The following SEMA3A variants were observed in gnomAD, a reference collection of about 807,000 sequenced individuals.
The protein encoded by SEMA3A is semaphorin 3A, also known as semaphorin-3A.
A neutral mutation model predicts 97.9 loss-of-function variants in SEMA3A; 29 were observed. That is an observed-to-expected ratio of 0.30 (90% CI 0.22 to 0.40). The LOEUF (loss-of-function observed/expected upper bound fraction) is 0.40, where lower values mean the gene tolerates loss of function less well. SEMA3A is among the 10% of genes least tolerant of loss of function. The probability of loss-of-function intolerance (pLI) is 1.00; values close to 1 mark genes in which losing one functional copy is unlikely to be tolerated. For synonymous variants in SEMA3A, 321 were observed against 323.7 expected (o/e 0.99, Z 0.09); for missense variants, 763 against 951.3 (o/e 0.80, Z 2.60).
intron 1 of SEMA3A, among the ~76,000 whole-genome samples, chr7:84,430,819 G>GTGTA (rs1554385627): frequency 0.16 from 23,603 of 148,316 alleles, 2,052 homozygotes; most frequent in Middle Eastern, 0.22. Flanking sequence ...GTGTGTGTGT[G>GTGTA]TGTATTTAGA....
Position 84,016,429 on chromosome 7 carries a change from T to C in SEMA3A, c.668-2078A>G, listed in dbSNP as rs191636305. 2.0e-3 allele frequency among the ~76,000 whole-genome samples: 308 copies of C among 151,902 alleles called. 4 individuals carry two copies. The East Asian group carries it at 0.044, about 22-fold the overall frequency. ...GGCGGGCTCCTGTAGTCCCAGCTACTTGGGAGGCTGAGGCAGGAGAATGGC... is the reference window on the plus strand; with the variant it reads ...GGCGGGCTCCTGTAGTCCCAGCTACCTGGGAGGCTGAGGCAGGAGAATGGC... On this transcript the variant is annotated intron_variant, in intron 6 of 16. Coordinates refer to ENST00000265362, the MANE Select transcript of SEMA3A (RefSeq NM_006080.3).
chr7:84,414,646 A>T (rs1170675688), intron 1 of SEMA3A, among the ~76,000 whole-genome samples: 3 of 152,084 alleles, frequency 2.0e-5, no homozygotes, highest in African/African-American at 7.2e-5. Flanking sequence ...AATCATGAAT[A>T]AACGTTCAAA....
intron 3 of SEMA3A, among the ~76,000 whole-genome samples, chr7:84,305,547 T>C (rs1801134025): frequency 6.6e-6 from 1 of 152,062 alleles, no homozygotes; most frequent in African/African-American, 2.4e-5. Context: ...TTAAGACTCA[T>C]CCATATGAGC....
chr7:84,296,591 A>C (rs1800878932), intron 3 of SEMA3A, among the ~76,000 whole-genome samples: 1 of 152,168 alleles, frequency 6.6e-6, no homozygotes, highest in Non-Finnish European at 1.5e-5. Flanking sequence ...ATGTTATTTA[A>C]ATTTATTATA....
chr7:84,101,109 A>G (rs944722311), intron 4 of SEMA3A, among the ~76,000 whole-genome samples: 17 of 152,086 alleles, frequency 1.1e-4, no homozygotes, highest in African/African-American at 3.6e-4. Flanking sequence ...TTTTCTTTAC[A>G]CTGCAATTGC....
intron 3 of SEMA3A, among the ~76,000 whole-genome samples, chr7:84,127,537 C>T (rs1252612807): frequency 1.3e-5 from 2 of 152,050 alleles, no homozygotes; most frequent in Admixed American, 6.6e-5. Context: ...ATCTTTAATA[C>T]GTGTCATGAA....
chr7:84,411,591 T>C (rs1022240674), intron 1 of SEMA3A, among the ~76,000 whole-genome samples: 50 of 150,486 alleles, frequency 3.3e-4, no homozygotes, highest in African/African-American at 1.1e-3. Flanking sequence ...ATTCATATTC[T>C]AGTATTATAG....
At chr7:84,005,232 A>G (rs1202565321) in intron 11 of SEMA3A, 107 bp downstream of exon 11, 6 of 775,768 alleles carry the variant, frequency 7.7e-6, no homozygotes, top group African/African-American at 5.2e-5. Context: ...TGGATTTTCA[A>G]CTGCACAGAG....
chr7:84,255,908 A>G (rs1799710950), intron 3 of SEMA3A, among the ~76,000 whole-genome samples: 1 of 148,208 alleles, frequency 6.7e-6, no homozygotes, highest in African/African-American at 2.6e-5. Flanking sequence ...TCCTGCGTCT[A>G]TCACTTTTTA....
intron 13 of SEMA3A, among the ~76,000 whole-genome samples, chr7:83,982,654 A>T (rs1789462973): frequency 6.6e-6 from 1 of 152,156 alleles, no homozygotes; most frequent in Admixed American, 6.6e-5. Flanking sequence ...TCTCTAGTAT[A>T]TAAATAAAAA....
chr7:84,487,366 G>C (rs935588807), intron 1 of SEMA3A, among the ~76,000 whole-genome samples: 1 of 151,994 alleles, frequency 6.6e-6, no homozygotes, highest in African/African-American at 2.4e-5. Flanking sequence ...AGTAAGCAGA[G>C]ACTTCTACTC....
chr7:84,238,938 A>T (rs945622590), intron 3 of SEMA3A, among the ~76,000 whole-genome samples: 3 of 152,154 alleles, frequency 2.0e-5, no homozygotes, highest in African/African-American at 7.2e-5. Context: ...ACTGGTCTCC[A>T]ACTCCTGACC....
intron 6 of SEMA3A, among the ~76,000 whole-genome samples, chr7:84,044,326 C>T (rs1792263181): frequency 6.6e-6 from 1 of 152,000 alleles, no homozygotes; most frequent in Non-Finnish European, 1.5e-5. Context: ...TGAGGCATCA[C>T]ATTTCTCACA....
chr7:84,391,953 C>G (rs934685325), intron 1 of SEMA3A, among the ~76,000 whole-genome samples: 6 of 99,586 alleles, frequency 6.0e-5, no homozygotes, highest in Non-Finnish European at 1.4e-4. Flanking sequence ...GAGTGAGACC[C>G]TGTCTCAAAA....
intron 3 of SEMA3A, among the ~76,000 whole-genome samples, chr7:84,285,525 T>C (rs931639070): frequency 2.6e-5 from 4 of 152,202 alleles, no homozygotes; most frequent in African/African-American, 9.6e-5. Context: ...AGGCTGGTGA[T>C]GCCAACAATT....
Position 84,368,724 on chromosome 7 carries a change from T to C in SEMA3A, c.-169+3100A>G, listed in dbSNP as rs181690227. ...GCATGTTAATTCTATATAAGTAATA[T>C]ATACAATTTATCTCACCTTGATTAT... On this transcript the variant is annotated intron_variant, in intron 2 of 3. Transcript: ENST00000424555. 2.9e-4 allele frequency among the ~76,000 whole-genome samples: 44 copies of C among 151,058 alleles called. No homozygotes were observed. The East Asian group carries it at 8.4e-3, about 29-fold the overall frequency.
At chr7:84,315,923 G>A (rs1431492495) in intron 2 of SEMA3A, among the ~76,000 whole-genome samples, 3 of 151,216 alleles carry the variant, frequency 2.0e-5, no homozygotes, top group Non-Finnish European at 4.4e-5. Flanking sequence ...TGTACTTTTT[G>A]TATTACTAAT....
At chr7:84,429,541 T>TAGAGAG (rs1462659214) in intron 1 of SEMA3A, among the ~76,000 whole-genome samples, 2 of 120,704 alleles carry the variant, frequency 1.7e-5, no homozygotes, top group African/African-American at 6.3e-5. Context: ...TATATATATA[T>TAGAGAG]ATATATAGCG....
At chr7:84,396,219 G>A (rs1240704284) in intron 1 of SEMA3A, among the ~76,000 whole-genome samples, 2 of 151,914 alleles carry the variant, frequency 1.3e-5, no homozygotes, top group African/African-American at 4.8e-5. Flanking sequence ...TTATGAAATT[G>A]TGAATATAAT....
Sources: allele counts gnomAD v4.1 joint callset (sites outside exome capture counted in the v4.1 genomes callset), GRCh38; gene constraint gnomAD v4.1.1; transcripts MANE v1.5; gene names NCBI Gene and HGNC (gene_info 2026-07-23, HGNC 2026-07-21).